KSR2: variants seen among roughly 807,000 people sequenced by gnomAD.
The protein encoded by KSR2 is kinase suppressor of ras 2.
Under a neutral mutation model 107.8 loss-of-function variants are expected in KSR2, and 25 were observed. The ratio of observed to expected loss-of-function variants is 0.23; its 90% CI spans 0.17 to 0.32. KSR2 has a LOEUF of 0.32. KSR2 is among the 10% of genes least tolerant of loss of function. The pLI is 1.00. For missense variants in KSR2, 887 were observed against 1,268.9 expected, an observed-to-expected ratio of 0.70 and a Z score of 4.57; for synonymous variants, 480 against 507.0, an observed-to-expected ratio of 0.95 and a Z score of 0.71.
intron 5 of KSR2, among the ~76,000 whole-genome samples, chr12:117,666,404 C>G (rs1330938437): frequency 1.3e-5 from 2 of 152,228 alleles, no homozygotes; most frequent in African/African-American, 4.8e-5. Context: ...AGGCATTCTG[C>G]TGAGTATTTG....
chr12:117,964,367 A>T (rs190747178), intron 1 of KSR2, among the ~76,000 whole-genome samples: 1 of 152,272 alleles, frequency 6.6e-6, no homozygotes, highest in Admixed American at 6.5e-5. Context: ...GCTTAACTCA[A>T]CCCTTCCCAA....
chr12:117,571,484 G>A (rs1878891200), intron 7 of KSR2, among the ~76,000 whole-genome samples: 1 of 152,166 alleles, frequency 6.6e-6, no homozygotes, highest in South Asian at 2.1e-4. Flanking sequence ...GGGGAAGGGG[G>A]AGGGGCTTAG....
intron 7 of KSR2, among the ~76,000 whole-genome samples, chr12:117,565,812 G>A (rs1482840259): frequency 6.6e-6 from 1 of 152,188 alleles, no homozygotes; most frequent in Admixed American, 6.5e-5. Flanking sequence ...CCATTGTGTA[G>A]TCATGTGTAA....
At chr12:117,491,107 C>A (rs1340329720) in intron 14 of KSR2, among the ~76,000 whole-genome samples, 3 of 152,138 alleles carry the variant, frequency 2.0e-5, no homozygotes, top group Admixed American at 6.5e-5. Context: ...TGGTAACCAC[C>A]ATTCTACTCA....
At position 117,761,219 on chromosome 12, in the gene KSR2, T is replaced by C; in HGVS notation, c.778A>G (p.Thr260Ala). 1 of 1,552,690 alleles carries C rather than the reference T, an allele frequency of 6.4e-7. No individual in the cohort carries two copies. The highest frequency in any genetic ancestry group is 1.2e-5 in the South Asian group (1 of 81,402). ...ACGATGTTGGGGGTGCGCGGCGGGG[T>C]GCGGACCGCGTGCCGCTGCCGGGGC... ...PSPRQRHAVR[T>A]PPRTPNIVTT... Residue 260 changes from threonine (T) to alanine (A), a missense_variant, in exon 4 of 20, where the codon ACC becomes GCC. Physicochemically the swap from Thr to Ala is moderately conservative, Grantham distance 58 (BLOSUM62 0). Coordinates refer to ENST00000339824, the MANE Select transcript of KSR2 (RefSeq NM_173598.6).
At chr12:117,889,401 C>T (rs1482595399) in intron 1 of KSR2, 2 of 152,164 alleles carry the variant, frequency 1.3e-5, no homozygotes, top group African/African-American at 4.8e-5. Context: ...GTTACAGAGA[C>T]CTCAAACTTT....
At chr12:117,805,920 T>C (rs1423178790) in intron 3 of KSR2, among the ~76,000 whole-genome samples, 1 of 152,100 alleles carries the variant, frequency 6.6e-6, no homozygotes, top group African/African-American at 2.4e-5. Context: ...AGGCAGAGGT[T>C]GCAGTGAGCC....
chr12:117,610,538 A>C (rs1338534213), intron 5 of KSR2, among the ~76,000 whole-genome samples: 2 of 152,092 alleles, frequency 1.3e-5, no homozygotes, highest in Non-Finnish European at 2.9e-5. Flanking sequence ...TCTTGAGGTC[A>C]AGGGTTCAAG....
chr12:117,872,976 G>C (rs1330503515), intron 1 of KSR2, among the ~76,000 whole-genome samples: 1 of 152,156 alleles, frequency 6.6e-6, no homozygotes, highest in Non-Finnish European at 1.5e-5. Flanking sequence ...ACAAGGCCAC[G>C]TGGCAGGAAC....
chr12:117,611,446 A>ACACACACACACACACACACACACG (rs1278726616), intron 5 of KSR2, among the ~76,000 whole-genome samples: 1 of 29,024 alleles, frequency 3.4e-5, no homozygotes, highest in Non-Finnish European at 7.9e-5. Context: ...GCACGCACAG[A>ACACACACACACACACACACACACG]CACACACACA....
At position 117,721,863 on chromosome 12, in the gene KSR2, AGCCGTAAGATG is replaced by A. The variant is rs1887220492; in HGVS notation, c.986+39137_986+39147del. Among the ~76,000 whole-genome samples, 4 of 152,316 alleles carry A rather than the reference AGCCGTAAGATG, an allele frequency of 2.6e-5. No homozygotes were observed. In the South Asian group the frequency reaches 8.3e-4, roughly 32 times the overall value. On this transcript the variant is annotated intron_variant, in intron 4 of 19. Coordinates refer to ENST00000339824, the MANE Select transcript of KSR2 (RefSeq NM_173598.6). ...GTTCTTAGAAAAGACTAACATCGGTAGCCGTAAGATGGGGGATCTATTAGTTAGACCAGCAA... is the reference window on the plus strand; with the variant it reads ...GTTCTTAGAAAAGACTAACATCGGTAGGGGATCTATTAGTTAGACCAGCAA...
At chr12:117,467,917 G>GTGT in intron 19 of KSR2, 1 of 199,502 alleles carries the variant, frequency 5.0e-6, no homozygotes, top group Non-Finnish European at 8.6e-6. Context: ...CCACAGTCCT[G>GTGT]TGTTTTTTTT....
At chr12:117,659,278 A>T (rs1057025146) in intron 5 of KSR2, among the ~76,000 whole-genome samples, 2 of 152,140 alleles carry the variant, frequency 1.3e-5, no homozygotes, top group African/African-American at 4.8e-5. Context: ...AATCATAACA[A>T]AAGGGCTGAG....
intron 14 of KSR2, among the ~76,000 whole-genome samples, chr12:117,486,847 T>C (rs1341428338): frequency 6.6e-6 from 1 of 152,214 alleles, no homozygotes; most frequent in Non-Finnish European, 1.5e-5. Flanking sequence ...TGTAGTTGAA[T>C]ACGAGGATTG....
chr12:117,583,369 G>A (rs1389421825), intron 5 of KSR2, among the ~76,000 whole-genome samples: 1 of 149,298 alleles, frequency 6.7e-6, no homozygotes, highest in Admixed American at 6.7e-5. Context: ...GAGTGGGTGG[G>A]TGGGTGGATG....
At chr12:117,827,404 T>G (rs1304096714) in intron 3 of KSR2, among the ~76,000 whole-genome samples, 1 of 152,212 alleles carries the variant, frequency 6.6e-6, no homozygotes, top group Non-Finnish European at 1.5e-5. Flanking sequence ...AGTTAAGATC[T>G]CAGGCACTGG....
chr12:117,837,112 T>C (rs896290926), intron 3 of KSR2, among the ~76,000 whole-genome samples: 1 of 151,894 alleles, frequency 6.6e-6, no homozygotes, highest in Non-Finnish European at 1.5e-5. Context: ...CCCGTCGGAG[T>C]AGGCTGCTCT....
intron 3 of KSR2, among the ~76,000 whole-genome samples, chr12:117,763,593 G>A (rs536323979): frequency 8.5e-4 from 129 of 152,340 alleles, no homozygotes; most frequent in African/African-American, 2.9e-3. Flanking sequence ...TCACAACTGT[G>A]TGATGACAAT....
At chr12:117,523,794 G>A (rs1435568886) in intron 14 of KSR2, among the ~76,000 whole-genome samples, 4 of 152,132 alleles carry the variant, frequency 2.6e-5, no homozygotes, top group African/African-American at 9.7e-5. Flanking sequence ...CCAAAATGGC[G>A]AAACCCTGTC....
Sources: gnomAD v4.1 joint callset for allele counts (sites outside exome capture counted in the v4.1 genomes callset) on GRCh38, gnomAD v4.1.1 for gene constraint, MANE v1.5 for transcripts, NCBI Gene and HGNC (gene_info 2026-07-23, HGNC 2026-07-21) for gene names.